Variants in ABHD12 observed in about 807,000 individuals in gnomAD.
The protein encoded by ABHD12 is lysophosphatidylserine lipase ABHD12.
In ABHD12, 43 loss-of-function variants were observed where a neutral mutation model predicts 58.3. The observed-to-expected ratio is 0.74, with a 90% confidence interval of 0.58 to 0.95. The LOEUF is 0.95. ABHD12 is among the 40% of genes least tolerant of loss of function. The pLI, the probability that ABHD12 is intolerant of heterozygous loss-of-function variation, is 0.00. For missense variants in ABHD12, 539 were observed against 537.2 expected (o/e 1.00, Z -0.03); for synonymous variants, 219 against 211.2 (o/e 1.04, Z -0.32).
chr20:25,360,255 T>TTTTTTTG, intron 1 of ABHD12, among the ~76,000 whole-genome samples: 1 of 134,642 alleles, frequency 7.4e-6, no homozygotes. Context: ...TTTTTTTTTT[T>TTTTTTTG]TTTGAGATGG....
At chr20:25,299,216 G>A (rs1935222495), downstream of ABHD12, among the ~76,000 whole-genome samples, 1 of 152,302 alleles carries the variant, frequency 6.6e-6, no homozygotes, top group East Asian at 1.9e-4. Context: ...GGGCAACATG[G>A]CAAAACCCCA....
intron 12 of ABHD12, among the ~76,000 whole-genome samples, chr20:25,301,361 G>T (rs2088632410): frequency 6.6e-6 from 1 of 152,190 alleles, no homozygotes; most frequent in Non-Finnish European, 1.5e-5. Context: ...GGCAATTCAG[G>T]CCACCAATTT....
chr20:25,337,743 G>A (rs1378275771), intron 2 of ABHD12, among the ~76,000 whole-genome samples: 2 of 152,180 alleles, frequency 1.3e-5, no homozygotes, highest in Non-Finnish European at 2.9e-5. Context: ...TTGTAGCTTC[G>A]TGTTTATACC....
At position 25,314,937 on chromosome 20, in the gene ABHD12, A is replaced by T. The variant is rs186646446; in HGVS notation, c.607T>A (p.Phe203Ile). The change falls in exon 6 of 13, where the codon TTT (phenylalanine) becomes ATT (isoleucine). Residue 203 changes from phenylalanine (F) to isoleucine (I), a missense_variant. By Grantham distance (21) the Phe-to-Ile change is conservative (BLOSUM62 0). Transcript: ENST00000339157. ...AAAGAAATCTCACCTCTGTAGTCAA[A>T]GGTGACCACATGGTAACCAAGGGAA... ...LSSLGYHVVT[F>I]DYRGWGDSVG... 2.2e-5 allele frequency: 35 copies of T among 1,614,230 alleles called. No individual in the cohort carries two copies. In the Admixed American group the frequency reaches 5.8e-4, roughly 27 times the overall value.
At chr20:25,329,183 C>T (rs1937626252) in intron 2 of ABHD12, among the ~76,000 whole-genome samples, 3 of 152,208 alleles carry the variant, frequency 2.0e-5, no homozygotes, top group Non-Finnish European at 4.4e-5. Flanking sequence ...CCTGCCCAGG[C>T]CCCTGCTTCA....
intron 2 of ABHD12, among the ~76,000 whole-genome samples, chr20:25,328,139 T>A (rs2089207801): frequency 6.6e-6 from 1 of 151,834 alleles, no homozygotes; most frequent in Non-Finnish European, 1.5e-5. Context: ...ATACAAGAAT[T>A]TAGATTTTAT....
chr20:25,334,469 G>A (rs1316283480), intron 2 of ABHD12, among the ~76,000 whole-genome samples: 1 of 151,944 alleles, frequency 6.6e-6, no homozygotes, highest in African/African-American at 2.4e-5. Context: ...AAGTTCATAC[G>A]GAACCAAAAA....
chr20:25,323,134 TAG>T (rs1288238164), intron 3 of ABHD12, among the ~76,000 whole-genome samples, 189 bp downstream of exon 3: 1 of 152,208 alleles, frequency 6.6e-6, no homozygotes, highest in Admixed American at 6.5e-5. Context: ...AGGCTGGGAA[TAG>T]AGTTTAAAGC....
intron 8 of ABHD12, 122 bp downstream of exon 8, chr20:25,308,335 G>C: frequency 1.5e-6 from 2 of 1,306,226 alleles, no homozygotes; most frequent in Non-Finnish European, 2.1e-6. Flanking sequence ...GGTCAGCCCC[G>C]GGCCCCCCAG....
At position 25,300,880 on chromosome 20, in the gene ABHD12, A is replaced by G; in HGVS notation, c.1162T>C (p.Phe388Leu). 2 of 1,613,992 alleles carry G rather than the reference A, an allele frequency of 1.2e-6. No individual in the cohort carries two copies. The highest frequency in any genetic ancestry group is 1.7e-6 in the Non-Finnish European group (2 of 1,179,936). ...SPELPRILRE[F>L]LGKSEPEHQH Reference sequence around the variant, plus strand: ...TGCTCAGGCTCCGACTTCCCCAGGAATTCCCTAGACCACAGGACAATCAGG... The same window carrying G: ...TGCTCAGGCTCCGACTTCCCCAGGAGTTCCCTAGACCACAGGACAATCAGG... Residue 388 changes from phenylalanine (F) to leucine (L), a missense_variant, in exon 13 of 13, where the codon TTC becomes CTC. Transcript: ENST00000339157.
intron 1 of ABHD12, among the ~76,000 whole-genome samples, chr20:25,354,242 G>A (rs1265514011): frequency 6.6e-6 from 1 of 152,158 alleles, no homozygotes; most frequent in Non-Finnish European, 1.5e-5. Context: ...CCAGAATCTG[G>A]CCTGAAGGGC....
At chr20:25,379,236 T>G (rs914076740) in intron 1 of ABHD12, among the ~76,000 whole-genome samples, 3 of 152,216 alleles carry the variant, frequency 2.0e-5, no homozygotes, top group African/African-American at 7.2e-5. Context: ...GTGACTGAAA[T>G]GACTTCCCAA....
At chr20:25,339,570 G>T in intron 1 of ABHD12, 1 of 1,467,774 alleles carries the variant, frequency 6.8e-7, no homozygotes, top group Non-Finnish European at 9.3e-7. Context: ...GGGGTAAGAG[G>T]AACTTTTTTT....
At chr20:25,318,048 G>A (rs2088995248) in intron 4 of ABHD12, among the ~76,000 whole-genome samples, 1 of 152,212 alleles carries the variant, frequency 6.6e-6, no homozygotes, top group African/African-American at 2.4e-5. Flanking sequence ...CAGGTGCGGT[G>A]GTTCACACCT....
chr20:25,355,027 G>A (rs73347016), intron 1 of ABHD12, among the ~76,000 whole-genome samples: 2,275 of 152,292 alleles, frequency 0.015, 51 homozygotes, highest in African/African-American at 0.046. Flanking sequence ...AGCTGTCAAT[G>A]ATTTTGTATT....
intron 1 of ABHD12, among the ~76,000 whole-genome samples, chr20:25,373,233 A>C (rs901554035): frequency 6.6e-5 from 10 of 152,288 alleles, no homozygotes; most frequent in South Asian, 2.1e-4. Flanking sequence ...ACATTACTAC[A>C]TGGCATGACA....
chr20:25,317,062 C>T lies in ABHD12; in HGVS notation c.559G>A (p.Val187Met), dbSNP rs144916441. The part of the protein sequence containing the change: ...NAGTRGGDHR[V>M]ELYKVLSSLG... ...CCTGCACTCACCTTGTAAAGCTCCA[C>T]GCGGTGGTCGCCTCCTCTGGAGAAG... is the stretch of plus-strand genomic sequence containing the variant. Residue 187 changes from valine to methionine, a missense_variant, in exon 5 of 13, where the codon GTG becomes ATG. By Grantham distance (21) the Val-to-Met change is conservative. Coordinates refer to ENST00000339157, the MANE Select transcript of ABHD12 (RefSeq NM_001042472.3). 9.9e-5 allele frequency: 160 copies of T among 1,612,670 alleles called. 1 individual carries two copies. The South Asian group carries it at 1.1e-3, about 11-fold the overall frequency.
chr20:25,339,276 G>T lies in ABHD12; in HGVS notation c.267C>A (p.Leu89=). 6.2e-7 allele frequency: 1 copy of T among 1,614,124 alleles called. No individual in the cohort carries two copies. Among genetic ancestry groups the T allele is most frequent in the South Asian group, 1.1e-5 (1 of 91,060 alleles). Residue 89 remains leucine (L), a synonymous_variant, in exon 2 of 13, where the codon CTC becomes CTA. Coordinates refer to ENST00000339157, the MANE Select transcript of ABHD12 (RefSeq NM_001042472.3). ...VLGLYIAIPF[L]IKLCPGIQAK... ...CCTGTATTCCAGGACATAGTTTGAT[G>T]AGAAATGGAATGGCAATGTACAACC...
chr20:25,338,173 C>T (rs570664012), intron 2 of ABHD12, among the ~76,000 whole-genome samples: 4 of 152,112 alleles, frequency 2.6e-5, no homozygotes, highest in Admixed American at 1.3e-4. Flanking sequence ...AGAGGGAGTC[C>T]GGCACCTCTC....
Sources: allele counts gnomAD v4.1 joint callset (sites outside exome capture counted in the v4.1 genomes callset), GRCh38; gene constraint gnomAD v4.1.1; transcripts MANE v1.5; gene names NCBI Gene and HGNC (gene_info 2026-07-23, HGNC 2026-07-21).